Variants in ARHGEF10 observed in about 807,000 individuals in gnomAD.
ARHGEF10 encodes Rho guanine nucleotide exchange factor (GEF) 10.
ARHGEF10 carries 140 observed loss-of-function variants against 147.4 expected under a neutral mutation model. That is an observed-to-expected ratio of 0.95 (90% CI 0.83 to 1.09). ARHGEF10 has a LOEUF of 1.09. Ranked by LOEUF, ARHGEF10 falls within the 50% of genes least tolerant of loss-of-function variation. ARHGEF10 has a pLI of 0.00. For synonymous variants in ARHGEF10, 902 were observed against 695.8 expected (o/e 1.30, Z -4.67); for missense variants, 2,222 against 1,752.7 (o/e 1.27, Z -4.78).
chr8:1,868,053 G>A (rs1806770576), intron 6 of ARHGEF10, among the ~76,000 whole-genome samples: 1 of 152,186 alleles, frequency 6.6e-6, no homozygotes, highest in Non-Finnish European at 1.5e-5. Context: ...CCAGATGGCA[G>A]TGAATTGGAA....
intron 7 of ARHGEF10, chr8:1,870,857 C>T (rs1218970556): frequency 1.3e-5 from 2 of 152,168 alleles, no homozygotes; most frequent in African/African-American, 2.4e-5. Context: ...TCACGCCTGT[C>T]ATCCCAACAC....
chr8:1,834,436 T>A (rs1803460254), intron 1 of ARHGEF10, among the ~76,000 whole-genome samples: 1 of 152,054 alleles, frequency 6.6e-6, no homozygotes, highest in East Asian at 2.0e-4. Context: ...GGGAGGACCC[T>A]GGAGAGAGGG....
At position 1,858,060 on chromosome 8, in the gene ARHGEF10, C is replaced by T. The variant is rs778967190; in HGVS notation, c.138C>T (p.Ala46=). ...AAATCCCAGAAGCGGACAGACAGGC[C>T]CCATCCGCCCCTGAGACAGGAGGTG... The part of the protein sequence containing the change: ...GDEIPEADRQ[A]PSAPETGGAG... Residue 46 remains alanine, a synonymous_variant, in exon 3 of 29, where the codon GCC becomes GCT. Coordinates refer to ENST00000349830, the MANE Select transcript of ARHGEF10 (RefSeq NM_014629.4). 3 of 1,613,832 alleles carry T rather than the reference C, an allele frequency of 1.9e-6. No individual in the cohort carries two copies. Among genetic ancestry groups the T allele is most frequent in the African/African-American group, 1.3e-5 (1 of 74,834 alleles).
At chr8:1,895,767 G>A (rs1315889546) in intron 13 of ARHGEF10, among the ~76,000 whole-genome samples, 1 of 152,224 alleles carries the variant, frequency 6.6e-6, no homozygotes, top group Non-Finnish European at 1.5e-5. Flanking sequence ...ATAACATGGA[G>A]TGATTTTTCT....
intron 11 of ARHGEF10, among the ~76,000 whole-genome samples, chr8:1,887,448 A>C (rs942328708): frequency 3.5e-5 from 5 of 141,564 alleles, no homozygotes; most frequent in African/African-American, 1.2e-4. Context: ...GTGAGGAGAT[A>C]CTGAGTGGGG....
At chr8:1,905,526 G>A (rs766430192) in intron 16 of ARHGEF10, 45 bp from the exon 17 acceptor site, 8 of 1,613,230 alleles carry the variant, frequency 5.0e-6, no homozygotes, top group East Asian at 4.5e-5. Flanking sequence ...TTTCTTTTCC[G>A]GGTAAACTGA....
intron 19 of ARHGEF10, 69 bp downstream of exon 19, chr8:1,923,148 A>G (rs957395750): frequency 8.5e-7 from 1 of 1,175,760 alleles, no homozygotes; most frequent in Non-Finnish European, 1.3e-6. Flanking sequence ...ATGTGATTAT[A>G]TCTCCAAGTT....
intron 3 of ARHGEF10, 42 bp from the exon 4 acceptor site, chr8:1,859,855 C>G (rs377508641): frequency 8.7e-6 from 14 of 1,612,376 alleles, no homozygotes; most frequent in Non-Finnish European, 1.1e-5. Flanking sequence ...CTGCCATGCC[C>G]TTGGTGATGT....
intron 17 of ARHGEF10, among the ~76,000 whole-genome samples, chr8:1,908,898 T>A (rs1034585838): frequency 2.0e-5 from 3 of 152,310 alleles, no homozygotes; most frequent in Admixed American, 1.3e-4. Context: ...CATAAAAGAA[T>A]AAAGCAGCAA....
intron 9 of ARHGEF10, 126 bp from the exon 10 acceptor site, chr8:1,882,509 A>G: frequency 3.6e-6 from 3 of 832,578 alleles, no homozygotes; most frequent in Non-Finnish European, 6.1e-6. Context: ...CCTAGCCCAG[A>G]ACTGCACGTG....
At chr8:1,898,254 C>T (rs542494810) in intron 14 of ARHGEF10, among the ~76,000 whole-genome samples, 179 bp from the exon 15 acceptor site, 3 of 152,320 alleles carry the variant, frequency 2.0e-5, no homozygotes, top group East Asian at 3.9e-4. Flanking sequence ...GCGGAAGCCC[C>T]TAGAGCAGGT....
At chr8:1,910,218 T>A (rs958092689) in intron 18 of ARHGEF10, among the ~76,000 whole-genome samples, 1 of 152,216 alleles carries the variant, frequency 6.6e-6, no homozygotes, top group Non-Finnish European at 1.5e-5. Context: ...ATAGGTTAAA[T>A]ATGCATGAAT....
chr8:1,944,453 C>A (rs17830054), intron 26 of ARHGEF10, among the ~76,000 whole-genome samples: 1 of 152,144 alleles, frequency 6.6e-6, no homozygotes, highest in Non-Finnish European at 1.5e-5. Context: ...AATTCCTGCC[C>A]GCCGGGTTCA....
chr8:1,947,771 G>A (rs995462724), intron 27 of ARHGEF10, among the ~76,000 whole-genome samples: 1 of 34,662 alleles, frequency 2.9e-5, no homozygotes, highest in African/African-American at 1.1e-4. Context: ...ACCCCACCCC[G>A]CTGTCAGCTG....
intron 1 of ARHGEF10, among the ~76,000 whole-genome samples, chr8:1,825,877 A>G (rs1001547458): frequency 6.6e-6 from 1 of 152,246 alleles, no homozygotes; most frequent in Non-Finnish European, 1.5e-5. Context: ...CTTAATGTCC[A>G]TATGGGTGGA....
At chr8:1,946,742 G>C (rs895724498) in intron 27 of ARHGEF10, among the ~76,000 whole-genome samples, 2 of 152,214 alleles carry the variant, frequency 1.3e-5, no homozygotes, top group Non-Finnish European at 2.9e-5. Context: ...CAATGATTAG[G>C]GGTCTGGTTC....
intron 18 of ARHGEF10, among the ~76,000 whole-genome samples, chr8:1,918,008 G>A (rs1188080609): frequency 2.6e-5 from 4 of 151,464 alleles, no homozygotes; most frequent in South Asian, 2.1e-4. Flanking sequence ...GGCTGGTCTC[G>A]AACTCCTGAC....
chr8:1,932,522 G>A (rs1027184376), intron 25 of ARHGEF10, among the ~76,000 whole-genome samples: 2 of 152,206 alleles, frequency 1.3e-5, no homozygotes, highest in African/African-American at 2.4e-5. Context: ...ACGTGTGTGT[G>A]TGCGTGCATG....
At chr8:1,862,255 G>T (rs552474101) in intron 4 of ARHGEF10, among the ~76,000 whole-genome samples, 22 of 152,374 alleles carry the variant, frequency 1.4e-4, no homozygotes, top group South Asian at 6.2e-4. Context: ...GCTCTGCAGG[G>T]CTTCCCCGGG....
Sources: allele counts gnomAD v4.1 joint callset (sites outside exome capture counted in the v4.1 genomes callset), GRCh38; gene constraint gnomAD v4.1.1; transcripts MANE v1.5; gene names NCBI Gene and HGNC (gene_info 2026-07-23, HGNC 2026-07-21).